Variants in CLSTN2 observed in about 807,000 individuals in gnomAD.
CLSTN2 encodes the protein calsyntenin 2.
CLSTN2 carries 48 observed loss-of-function variants against 101.2 expected under a neutral mutation model. That is an observed-to-expected ratio of 0.47 (90% CI 0.38 to 0.60). The LOEUF (loss-of-function observed/expected upper bound fraction) is 0.60, where lower values mean the gene tolerates loss of function less well. Ranked by LOEUF, CLSTN2 falls within the 20% of genes least tolerant of loss-of-function variation. The pLI is 0.00. For synonymous variants in CLSTN2, 481 were observed against 463.6 expected (o/e 1.04, Z -0.48); for missense variants, 1,160 against 1,238.2 (o/e 0.94, Z 0.95).
intron 2 of CLSTN2, among the ~76,000 whole-genome samples, chr3:140,227,534 TG>T (rs2086333941): frequency 6.6e-6 from 1 of 152,162 alleles, no homozygotes; most frequent in Admixed American, 6.5e-5. Flanking sequence ...TCTACCATTG[TG>T]GGGTTGGGAG....
At chr3:140,327,184 C>A (rs1167540999) in intron 2 of CLSTN2, among the ~76,000 whole-genome samples, 1 of 152,140 alleles carries the variant, frequency 6.6e-6, no homozygotes, top group African/African-American at 2.4e-5. Flanking sequence ...AGGGTTAATT[C>A]TTGAGGGAAA....
At chr3:140,127,669 C>T (rs1010763248) in intron 1 of CLSTN2, among the ~76,000 whole-genome samples, 1 of 152,020 alleles carries the variant, frequency 6.6e-6, no homozygotes, top group Admixed American at 6.6e-5. Flanking sequence ...GACTTCCTGC[C>T]CTTTATGGAC....
chr3:140,359,573 C>T (rs1308890376), intron 2 of CLSTN2, among the ~76,000 whole-genome samples: 2 of 152,188 alleles, frequency 1.3e-5, no homozygotes, highest in Non-Finnish European at 2.9e-5. Context: ...CATAATTACT[C>T]CTGTGCAGGC....
chr3:140,287,041 A>G (rs2086901572), intron 2 of CLSTN2, among the ~76,000 whole-genome samples: 1 of 152,194 alleles, frequency 6.6e-6, no homozygotes, highest in South Asian at 2.1e-4. Flanking sequence ...AAGGGTCAGC[A>G]TCATGCATCA....
At chr3:140,183,991 TCTTATTGGGCAGCTTCCTG>T (rs1473131483) in intron 2 of CLSTN2, among the ~76,000 whole-genome samples, 3 of 152,180 alleles carry the variant, frequency 2.0e-5, no homozygotes, top group African/African-American at 4.8e-5. Context: ...ATTACTTCTT[TCTTATTGGGCAGCTTCCTG>T]CTTATTGGGC....
At chr3:140,145,529 C>G (rs9823483) in intron 1 of CLSTN2, among the ~76,000 whole-genome samples, 103,021 of 152,232 alleles carry the variant, frequency 0.68, 39,478 homozygotes, top group East Asian at 0.91. Context: ...AGAAGATTCC[C>G]AAGGGATTAC....
chr3:140,022,137 G>T (rs1176318491), intron 1 of CLSTN2, among the ~76,000 whole-genome samples: 1 of 152,208 alleles, frequency 6.6e-6, no homozygotes, highest in Non-Finnish European at 1.5e-5. Flanking sequence ...GGGGCAGCCT[G>T]GTTGCCCCAG....
intron 1 of CLSTN2, among the ~76,000 whole-genome samples, chr3:140,024,856 T>C (rs2007386358): frequency 6.6e-6 from 1 of 152,224 alleles, no homozygotes; most frequent in Non-Finnish European, 1.5e-5. Flanking sequence ...ATAAAGTACA[T>C]GGCACATATT....
chr3:139,970,966 C>G (rs1935688750), intron 1 of CLSTN2, among the ~76,000 whole-genome samples: 1 of 152,158 alleles, frequency 6.6e-6, no homozygotes, highest in African/African-American at 2.4e-5. Flanking sequence ...TTTGTAAAAA[C>G]TGGGGTAGGC....
intron 1 of CLSTN2, among the ~76,000 whole-genome samples, chr3:139,936,592 G>T (rs1217810322): frequency 6.6e-6 from 1 of 152,190 alleles, no homozygotes; most frequent in Admixed American, 6.5e-5. Flanking sequence ...CCCTGTTAGA[G>T]ACAGCCTGAT....
chr3:140,209,509 T>C (rs1249184703), intron 2 of CLSTN2, among the ~76,000 whole-genome samples: 1 of 152,210 alleles, frequency 6.6e-6, no homozygotes, highest in Non-Finnish European at 1.5e-5. Flanking sequence ...GGACAGACTT[T>C]GGTGCTTTGG....
chr3:140,254,049 A>G (rs1046422416), intron 2 of CLSTN2, among the ~76,000 whole-genome samples: 1 of 152,130 alleles, frequency 6.6e-6, no homozygotes. Flanking sequence ...TAATTTGGTC[A>G]TATTTCTCTC....
chr3:140,385,735 G>C (rs745552459), intron 2 of CLSTN2, among the ~76,000 whole-genome samples: 1 of 152,036 alleles, frequency 6.6e-6, no homozygotes, highest in Non-Finnish European at 1.5e-5. Context: ...TGCCTGAAGA[G>C]GCCCTTGTCA....
chr3:140,324,450 G>A (rs1191256401), intron 2 of CLSTN2, among the ~76,000 whole-genome samples: 1 of 152,082 alleles, frequency 6.6e-6, no homozygotes, highest in Non-Finnish European at 1.5e-5. Flanking sequence ...TTCCACTAAG[G>A]AAAGCAAATA....
intron 2 of CLSTN2, among the ~76,000 whole-genome samples, chr3:140,346,968 T>A (rs1341861138): frequency 6.6e-6 from 1 of 152,240 alleles, no homozygotes; most frequent in Non-Finnish European, 1.5e-5. Context: ...TTACTTCTAA[T>A]GACTAGATAG....
intron 1 of CLSTN2, among the ~76,000 whole-genome samples, chr3:140,029,459 G>T (rs984843373): frequency 6.6e-6 from 1 of 152,176 alleles, no homozygotes; most frequent in Non-Finnish European, 1.5e-5. Context: ...AGCTGATACG[G>T]ATGTCTGCCC....
chr3:140,481,671 G>A (rs568204096), intron 8 of CLSTN2, among the ~76,000 whole-genome samples: 9 of 152,230 alleles, frequency 5.9e-5, no homozygotes, highest in East Asian at 1.9e-4. Context: ...CACATCCCTT[G>A]TAAGTTGGAT....
At chr3:140,363,258 T>C (rs963828093) in intron 2 of CLSTN2, among the ~76,000 whole-genome samples, 1 of 152,090 alleles carries the variant, frequency 6.6e-6, no homozygotes, top group Non-Finnish European at 1.5e-5. Context: ...TCCATTGGCA[T>C]GAAAATGTCC....
At chr3:140,179,833 TTA>T (rs2010381632) in intron 2 of CLSTN2, among the ~76,000 whole-genome samples, 1 of 152,174 alleles carries the variant, frequency 6.6e-6, no homozygotes. Context: ...TTCTCTTTTA[TTA>T]TAACATGTGT....
Sources: allele counts gnomAD v4.1 joint callset (sites outside exome capture counted in the v4.1 genomes callset), GRCh38; gene constraint gnomAD v4.1.1; transcripts MANE v1.5; gene names NCBI Gene and HGNC (gene_info 2026-07-23, HGNC 2026-07-21).